The following PTPN22 variants were observed in gnomAD, a reference collection of about 807,000 sequenced individuals.
The protein encoded by PTPN22 is protein tyrosine phosphatase non-receptor type 22.
A neutral mutation model predicts 103.3 loss-of-function variants in PTPN22; 85 were observed. The ratio of observed to expected loss-of-function variants is 0.82; its 90% CI spans 0.69 to 0.99. The LOEUF (loss-of-function observed/expected upper bound fraction) is 0.99, where lower values mean the gene tolerates loss of function less well. Ranked by LOEUF, PTPN22 falls within the 50% of genes least tolerant of loss-of-function variation. The probability of loss-of-function intolerance (pLI) is 0.00; values close to 1 mark genes in which losing one functional copy is unlikely to be tolerated. For missense variants in PTPN22, 865 were observed against 936.9 expected, an observed-to-expected ratio of 0.92 and a Z score of 1.00; for synonymous variants, 323 against 310.2, an observed-to-expected ratio of 1.04 and a Z score of -0.43.
chr1:113,855,081 G>T, intron 7 of PTPN22, 32 bp from the exon 8 acceptor site: 1 of 1,574,862 alleles, frequency 6.3e-7, no homozygotes, highest in Non-Finnish European at 8.7e-7. Context: ...GAGGGGAAGA[G>T]GGGCAAGGGC....
chr1:113,835,895 A>T (rs565548513), intron 13 of PTPN22, among the ~76,000 whole-genome samples: 4 of 151,844 alleles, frequency 2.6e-5, no homozygotes, highest in African/African-American at 9.7e-5. Flanking sequence ...GCACATGACG[A>T]TATTGTTACA....
At chr1:113,837,700 A>G (rs1558030703) in exon 13 of PTPN22, 2 of 1,606,646 alleles carry the variant, frequency 1.2e-6, no homozygotes, top group Non-Finnish European at 1.7e-6. Context: ...GGATGTTGGC[A>G]ACAGAGAAGA....
At chr1:113,857,870 T>A in intron 4 of PTPN22, 94 bp from the exon 5 acceptor site, 1 of 1,173,768 alleles carries the variant, frequency 8.5e-7, no homozygotes, top group Non-Finnish European at 1.2e-6. Context: ...TATTAACCGT[T>A]CTTTTTTCTG....
chr1:113,851,960 GCCTCACCATTAAAC>G, intron 10 of PTPN22, 53 bp downstream of exon 10: 1 of 1,213,260 alleles, frequency 8.2e-7, no homozygotes, highest in Non-Finnish European at 1.2e-6. Flanking sequence ...GTTTTTGGAT[GCCTCACCATTAAAC>G]AGATGGAGCA....
At chr1:113,871,636 G>GA in exon 1 of PTPN22, 1 of 1,612,722 alleles carries the variant, frequency 6.2e-7, no homozygotes, top group Non-Finnish European at 8.5e-7. Context: ...TGCAGAGCAA[G>GA]AAAAATAGTC....
chr1:113,837,501 G>A (rs1663118639), intron 13 of PTPN22, 89 bp downstream of exon 13: 1 of 883,398 alleles, frequency 1.1e-6, no homozygotes. Flanking sequence ...AAGAAGCAGA[G>A]GAGAAGAGGG....
chr1:113,833,035 G>A, intron 16 of PTPN22, 76 bp downstream of exon 16: 3 of 1,366,654 alleles, frequency 2.2e-6, no homozygotes, highest in Non-Finnish European at 3.1e-6. Context: ...TTCCTGAAGT[G>A]AATTACTCTA....
intron 11 of PTPN22, among the ~76,000 whole-genome samples, chr1:113,845,646 T>A (rs1282527690): frequency 6.6e-6 from 1 of 152,192 alleles, no homozygotes; most frequent in Admixed American, 6.5e-5. Context: ...TCAACTAGAT[T>A]TTGTCAGTTA....
intron 1 of PTPN22, among the ~76,000 whole-genome samples, chr1:113,860,889 T>C (rs1174014294): frequency 6.6e-6 from 1 of 152,244 alleles, no homozygotes; most frequent in African/African-American, 2.4e-5. Context: ...GGGAGAATGC[T>C]ATACACAAAG....
At chr1:113,854,333 G>A (rs2476602) in intron 9 of PTPN22, 138 bp downstream of exon 9, 219,927 of 789,202 alleles carry the variant, frequency 0.28, 34,576 homozygotes, top group African/African-American at 0.58. Flanking sequence ...TAATTTAATC[G>A]TCTGACAGAG....
chr1:113,837,953 C>T (rs1663168712), exon 13 of PTPN22: 3 of 1,613,992 alleles, frequency 1.9e-6, no homozygotes, highest in South Asian at 2.2e-5. Context: ...GCCTGCATCT[C>T]TACAAAACAA....
chr1:113,819,770 G>A lies in PTPN22; in HGVS notation c.2282-116C>T, dbSNP rs1406160337. The A allele has an allele frequency of 2.0e-5, 11 of 549,946 alleles. No homozygotes were observed. The Admixed American group carries it at 3.4e-4, about 17-fold the overall frequency. 34.1% of individuals were successfully genotyped at this position (549,946 alleles called of 1,614,324 possible). On this transcript the variant is annotated intron_variant, in intron 19 of 20. Transcript: ENST00000359785. ...AATAATCCCAAATAAACATATCACT[G>A]TCAAATGTTAACAAAATGTAGGTGC...
chr1:113,827,468 T>C lies in PTPN22; in HGVS notation c.2250+2124A>G, dbSNP rs140637940. On this transcript the variant is annotated intron_variant, in intron 18 of 20. Transcript: ENST00000359785. ...CTTTTTTTAAGTAAAAGTTAATAAA[T>C]TATATATAAATATATTGAGAAAGTC... Among the ~76,000 whole-genome samples, 466 of 152,212 alleles carry C rather than the reference T, an allele frequency of 3.1e-3. 4 individuals carry two copies. Among genetic ancestry groups the C allele is most frequent in the African/African-American group, 0.011 (441 of 41,548 alleles).
At chr1:113,843,928 T>C (rs1055038168) in intron 11 of PTPN22, among the ~76,000 whole-genome samples, 1 of 152,150 alleles carries the variant, frequency 6.6e-6, no homozygotes, top group African/African-American at 2.4e-5. Context: ...TAGATTGTGT[T>C]TGAGAAAATA....
chr1:113,818,953 A>G (rs549827947), intron 20 of PTPN22, among the ~76,000 whole-genome samples: 18 of 152,236 alleles, frequency 1.2e-4, no homozygotes, highest in African/African-American at 4.1e-4. Context: ...GAGGCCTCAC[A>G]CTCTTTCAAG....
At chr1:113,839,559 T>C (rs1427192553) in intron 11 of PTPN22, among the ~76,000 whole-genome samples, 1 of 152,136 alleles carries the variant, frequency 6.6e-6, no homozygotes, top group Admixed American at 6.5e-5. Context: ...AAATATGTTA[T>C]TGTGGTTCAT....
At chr1:113,863,295 G>A (rs1017537050) in intron 1 of PTPN22, among the ~76,000 whole-genome samples, 3 of 152,160 alleles carry the variant, frequency 2.0e-5, no homozygotes, top group African/African-American at 7.2e-5. Flanking sequence ...GTTTTACCAC[G>A]TTGGCCAGGC....
chr1:113,826,464 G>C (rs1276472171), intron 18 of PTPN22, among the ~76,000 whole-genome samples: 1 of 149,800 alleles, frequency 6.7e-6, no homozygotes, highest in Non-Finnish European at 1.5e-5. Flanking sequence ...GGGTAGAGGG[G>C]ATGAAATTCC....
In PTPN22 at chr1:113,870,958, A is replaced by C. The variant is rs1666527095; in HGVS notation, c.87+579T>G. Among the ~76,000 whole-genome samples the C allele has an allele frequency of 3.3e-5, 5 of 152,196 alleles. No individual in the cohort carries two copies. In the South Asian group the frequency reaches 1.0e-3, roughly 31 times the overall value. On this transcript the variant is annotated intron_variant, in intron 1 of 20. Transcript: ENST00000359785. ...TGAGGCAAGAGAATCACTTGAGGCC[A>C]GGAGTTCAAGGCTACAGTGAGCTGT...
Sources: gnomAD v4.1 joint callset for allele counts (sites outside exome capture counted in the v4.1 genomes callset) on GRCh38, gnomAD v4.1.1 for gene constraint, MANE v1.5 for transcripts, NCBI Gene and HGNC (gene_info 2026-07-23, HGNC 2026-07-21) for gene names.